Variants in PPP1CC observed in about 807,000 individuals in gnomAD.
PPP1CC encodes serine/threonine-protein phosphatase PP1-gamma catalytic subunit.
A neutral mutation model predicts 38.4 loss-of-function variants in PPP1CC; 16 were observed. That is an observed-to-expected ratio of 0.42 (90% CI 0.28 to 0.63). The LOEUF (loss-of-function observed/expected upper bound fraction) is 0.63. Ranked by LOEUF, PPP1CC falls within the 30% of genes least tolerant of loss-of-function variation. The probability of loss-of-function intolerance (pLI) is 0.25; values close to 1 mark genes in which losing one functional copy is unlikely to be tolerated. For synonymous variants in PPP1CC, 158 were observed against 136.0 expected (o/e 1.16, Z -1.13); for missense variants, 170 against 391.3 (o/e 0.43, Z 4.77).
chr12:110,722,350 G>T lies in PPP1CC; in HGVS notation c.748-81C>A. The T allele has an allele frequency of 1.3e-6, 2 of 1,568,626 alleles. No homozygotes were observed. Among genetic ancestry groups the T allele is most frequent in the Non-Finnish European group, 8.7e-7 (1 of 1,145,080 alleles). On this transcript the variant is annotated intron_variant, in intron 5 of 6. Transcript: ENST00000335007. The surrounding 1 kb of genome is among the most constrained non-coding windows in gnomAD (Gnocchi z 5.4). Reference sequence around the variant, plus strand: ...CATGTTTCAGTTTCCCATTGAGCCTGATATCTTGTGTTCCAGAAACACTTT... The same window carrying T: ...CATGTTTCAGTTTCCCATTGAGCCTTATATCTTGTGTTCCAGAAACACTTT...
Position 110,724,021 on chromosome 12 carries a change from G to A in PPP1CC, c.523+639C>T, listed in dbSNP as rs574113781. Among the ~76,000 whole-genome samples the A allele has an allele frequency of 8.0e-4, 121 of 151,056 alleles. 1 individual carries two copies. Among genetic ancestry groups the A allele is most frequent in the African/African-American group, 2.8e-3 (114 of 41,162 alleles). On this transcript the variant is annotated intron_variant, in intron 4 of 6. Coordinates refer to ENST00000335007, the MANE Select transcript of PPP1CC (RefSeq NM_002710.4). ...TGGGAGGCCGAGGCGGGCAGATCACGAGGTCAGGAGATTGAGACCATCCTG... is the reference window on the plus strand; with the variant it reads ...TGGGAGGCCGAGGCGGGCAGATCACAAGGTCAGGAGATTGAGACCATCCTG...
downstream of PPP1CC, among the ~76,000 whole-genome samples, chr12:110,715,128 A>C (rs1037404554): frequency 2.6e-5 from 4 of 151,936 alleles, no homozygotes; most frequent in African/African-American, 9.7e-5. Flanking sequence ...ATGGTGTTTG[A>C]TACTGTGCTA....
Position 110,722,192 on chromosome 12 carries a change from C to T in PPP1CC, c.825G>A (p.Glu275=), listed in dbSNP as rs1251047028. Residue 275 remains glutamate (E), a synonymous_variant, in exon 6 of 7, where the codon GAG becomes GAA. Transcript: ENST00000335007. This position sits in a 1 kb window ranked among gnomAD's most constrained non-coding sequence, Gnocchi z 5.4. ...TCATCATGGCACCTGCATTGTCAAACTCTCCGCAATAATTGGGCGCAGAAA... is the reference window on the plus strand; with the variant it reads ...TCATCATGGCACCTGCATTGTCAAATTCTCCGCAATAATTGGGCGCAGAAA... ...TLFSAPNYCG[E]FDNAGAMMSV... 1 of 1,614,188 alleles carries T rather than the reference C, an allele frequency of 6.2e-7. No individual in the cohort carries two copies. The highest frequency in any genetic ancestry group is 8.5e-7 in the Non-Finnish European group (1 of 1,180,020).
At chr12:110,740,042 A>C (rs1022827952) in intron 1 of PPP1CC, among the ~76,000 whole-genome samples, 1 of 152,212 alleles carries the variant, frequency 6.6e-6, no homozygotes, top group African/African-American at 2.4e-5. Flanking sequence ...CAGAGAAGAA[A>C]AGAACTGCAA....
intron 3 of PPP1CC, among the ~76,000 whole-genome samples, chr12:110,728,723 T>C (rs572901447): frequency 3.3e-5 from 5 of 152,184 alleles, no homozygotes; most frequent in East Asian, 1.9e-4. Flanking sequence ...ATACCTTTCA[T>C]GTACAAGTTC....
chr12:110,739,944 G>C (rs1342731039), intron 1 of PPP1CC, among the ~76,000 whole-genome samples: 1 of 152,172 alleles, frequency 6.6e-6, no homozygotes, highest in Non-Finnish European at 1.5e-5. Context: ...ACAACCTTAA[G>C]TTTTATCATC....
Position 110,720,469 on chromosome 12 carries a change from A to G in PPP1CC, c.*607T>C, listed in dbSNP as rs1450835302. On this transcript the variant is annotated 3_prime_UTR_variant, in exon 7 of 7. Transcript: ENST00000335007. ...AGAATGGCTTTGTCATTTTAAGTAT[A>G]CGGTCGGGGAAAAGTGTGCTTTAAT... 1 of 412,274 alleles carries G rather than the reference A, an allele frequency of 2.4e-6. No individual in the cohort carries two copies. Among genetic ancestry groups the G allele is most frequent in the East Asian group, 4.3e-5 (1 of 23,088 alleles). The allele number at this position is 412,274 out of a possible 1,614,324, so 25.5% of individuals were successfully genotyped here. A position where few individuals can be genotyped will look rare whatever the true frequency, so the allele number is the denominator to read the frequency against.
chr12:110,709,321 C>T, the PPP1CC span, among the ~76,000 whole-genome samples: 16 of 151,962 alleles, frequency 1.1e-4, no homozygotes, highest in South Asian at 2.1e-4. Flanking sequence ...CCTCCACCTC[C>T]CGGGTTCAAG....
chr12:110,719,164 G>C (rs1040539613), downstream of PPP1CC, among the ~76,000 whole-genome samples: 1 of 152,138 alleles, frequency 6.6e-6, no homozygotes, highest in African/African-American at 2.4e-5. Context: ...AGTCAAAGAA[G>C]TCTGGGAGAA....
Position 110,720,224 on chromosome 12 carries a change from T to C in PPP1CC, c.*852A>G. On this transcript the variant is annotated 3_prime_UTR_variant, in exon 7 of 7. Coordinates refer to ENST00000335007, the MANE Select transcript of PPP1CC (RefSeq NM_002710.4). ...ATGCAACTGTAAAAAGATTACTTAA[T>C]GAATAGACTATATGGAAATTGTATA... 1 of 1,526,308 alleles carries C rather than the reference T, an allele frequency of 6.6e-7. No homozygotes were observed. The highest frequency in any genetic ancestry group is 1.2e-5 in the South Asian group (1 of 83,958). The allele number at this position is 1,526,308 out of a possible 1,614,324, so 94.5% of individuals were successfully genotyped here. A position where few individuals can be genotyped will look rare whatever the true frequency, so the allele number is the denominator to read the frequency against.
chr12:110,725,457 TG>T (rs1212566862), intron 3 of PPP1CC: 1 of 152,322 alleles, frequency 6.6e-6, no homozygotes, highest in East Asian at 1.9e-4. Context: ...CACACGGCAG[TG>T]GCTGCCTCTC....
intron 3 of PPP1CC, among the ~76,000 whole-genome samples, chr12:110,729,192 CTTTTTTTT>C (rs1026282471): frequency 8.3e-6 from 1 of 120,288 alleles, no homozygotes; most frequent in Admixed American, 8.3e-5. Context: ...ATTTTCAAAG[CTTTTTTTT>C]TTTTTTTTTT....
In PPP1CC at chr12:110,719,790, C is replaced by A; in HGVS notation, c.*1286G>T. 1 of 237,580 alleles carries A rather than the reference C, an allele frequency of 4.2e-6. No individual in the cohort carries two copies. The allele number at this position is 237,580 out of a possible 1,614,324, so 14.7% of individuals were successfully genotyped here. ...TGGAAAACAGACTATTTGAAAGAAGCAAAACCAAAATGCAACCGTGTGGTT... is the reference window on the plus strand; with the variant it reads ...TGGAAAACAGACTATTTGAAAGAAGAAAAACCAAAATGCAACCGTGTGGTT... On this transcript the variant is annotated 3_prime_UTR_variant, in exon 7 of 7. Coordinates refer to ENST00000335007, the MANE Select transcript of PPP1CC (RefSeq NM_002710.4).
Position 110,720,029 on chromosome 12 carries a change from A to G in PPP1CC, c.*1047T>C, listed in dbSNP as rs1456506693. On this transcript the variant is annotated 3_prime_UTR_variant, in exon 7 of 7. Coordinates refer to ENST00000335007, the MANE Select transcript of PPP1CC (RefSeq NM_002710.4). Reference sequence around the variant, plus strand: ...GTTTAAAAAAGTCATAGGTACTGTGAGTTCTGTATAAACTGGTGGACAGTA... The same window carrying G: ...GTTTAAAAAAGTCATAGGTACTGTGGGTTCTGTATAAACTGGTGGACAGTA... 2.1e-6 allele frequency: 2 copies of G among 962,184 alleles called. No homozygotes were observed. Among genetic ancestry groups the G allele is most frequent in the African/African-American group, 3.3e-5 (2 of 60,226 alleles). 59.6% of individuals were successfully genotyped at this position (962,184 alleles called of 1,614,324 possible).
intron 3 of PPP1CC, among the ~76,000 whole-genome samples, chr12:110,727,128 T>A (rs1032400020): frequency 3.9e-5 from 6 of 152,204 alleles, no homozygotes; most frequent in African/African-American, 1.4e-4. Context: ...GAGATGGGTT[T>A]TCCCCATGTT....
chr12:110,716,211 T>C (rs1180960874), downstream of PPP1CC, among the ~76,000 whole-genome samples: 1 of 152,224 alleles, frequency 6.6e-6, no homozygotes. Context: ...CTTAAAAGAC[T>C]TGCCGTACTG....
chr12:110,721,952 A>T, intron 6 of PPP1CC, 183 bp downstream of exon 6: 3 of 601,208 alleles, frequency 5.0e-6, no homozygotes, highest in Non-Finnish European at 7.9e-6. Context: ...AAGGTGCCAT[A>T]ATTAATTTTT....
chr12:110,740,274 T>C (rs192772068), intron 1 of PPP1CC, among the ~76,000 whole-genome samples: 1 of 152,182 alleles, frequency 6.6e-6, no homozygotes, highest in African/African-American at 2.4e-5. Context: ...AAAAAAGGTT[T>C]TGGGGGCATT....
At chr12:110,718,594 C>T (rs1373359595), downstream of PPP1CC, among the ~76,000 whole-genome samples, 1 of 152,026 alleles carries the variant, frequency 6.6e-6, no homozygotes, top group Non-Finnish European at 1.5e-5. Context: ...TGCAAAGACA[C>T]GAAAGAACTG....
Sources: gnomAD v4.1 joint callset for allele counts (sites outside exome capture counted in the v4.1 genomes callset) on GRCh38, gnomAD v4.1.1 for gene constraint, Gnocchi (gnomAD v3.1) non-coding constraint, MANE v1.5 for transcripts, NCBI Gene and HGNC (gene_info 2026-07-23, HGNC 2026-07-21) for gene names.